ARID2: variants seen among roughly 807,000 people sequenced by gnomAD.
ARID2 encodes AT-rich interactive domain-containing protein 2.
ARID2 carries 32 observed loss-of-function variants against 184.6 expected under a neutral mutation model. The observed-to-expected ratio is 0.17, with a 90% CI of 0.13 to 0.23. The LOEUF (loss-of-function observed/expected upper bound fraction) is 0.23, where lower values mean the gene tolerates loss of function less well. Ranked by LOEUF, ARID2 falls within the 10% of genes least tolerant of loss-of-function variation. The probability of loss-of-function intolerance (pLI) is 1.00; values close to 1 mark genes in which losing one functional copy is unlikely to be tolerated. For synonymous variants in ARID2, 836 were observed against 772.6 expected (o/e 1.08, Z -1.36); for missense variants, 1,696 against 2,197.6 (o/e 0.77, Z 4.56).
At chr12:45,869,945 G>C (rs1019495409) in intron 16 of ARID2, among the ~76,000 whole-genome samples, 1 of 152,048 alleles carries the variant, frequency 6.6e-6, no homozygotes, top group Non-Finnish European at 1.5e-5. Flanking sequence ...TTGCACAATA[G>C]TGATAATATT....
In ARID2 at chr12:45,744,530, C is replaced by G. The variant is rs142812396; in HGVS notation, c.284+13216C>G. The stretch of plus-strand genomic sequence containing the variant: ...AATTTAACACAAAAATACAAGTCAG[C>G]TACAGTGCTGATAAATTTGGAGGAA... On this transcript the variant is annotated intron_variant, in intron 3 of 20. Transcript: ENST00000334344. Among the ~76,000 whole-genome samples the G allele has an allele frequency of 3.4e-3, 518 of 152,164 alleles. 2 individuals carry two copies. The highest frequency in any genetic ancestry group is 0.012 in the African/African-American group (488 of 41,516).
intron 3 of ARID2, among the ~76,000 whole-genome samples, chr12:45,747,619 C>T (rs889845539): frequency 6.6e-6 from 1 of 152,064 alleles, no homozygotes; most frequent in African/African-American, 2.4e-5. Flanking sequence ...TTGGGAAATT[C>T]TGAAAGAATT....
At chr12:45,779,183 T>A (rs1459254674) in intron 3 of ARID2, among the ~76,000 whole-genome samples, 1 of 152,084 alleles carries the variant, frequency 6.6e-6, no homozygotes, top group Non-Finnish European at 1.5e-5. Context: ...TATCTGTGTC[T>A]GATTATTTCC....
At chr12:45,823,370 A>G (rs1942934689) in intron 6 of ARID2, among the ~76,000 whole-genome samples, 4 of 152,134 alleles carry the variant, frequency 2.6e-5, no homozygotes, top group African/African-American at 4.8e-5. Context: ...TCAAATAAAC[A>G]ACCTAATGAT....
chr12:45,730,827 C>T (rs982556026), intron 2 of ARID2, among the ~76,000 whole-genome samples: 7 of 151,542 alleles, frequency 4.6e-5, no homozygotes, highest in Admixed American at 1.3e-4. Flanking sequence ...GGCCCCCCCC[C>T]CAACCCGCGG....
Position 45,851,846 on chromosome 12 carries a change from A to G in ARID2, c.3723A>G (p.Lys1241=). The G allele has an allele frequency of 6.2e-7, 1 of 1,614,148 alleles. No homozygotes were observed. Among genetic ancestry groups the G allele is most frequent in the Non-Finnish European group, 8.5e-7 (1 of 1,180,002 alleles). The change falls in exon 15 of 21, where the codon AAA becomes AAG. Residue 1241 remains lysine (K), a synonymous_variant. Coordinates refer to ENST00000334344, the MANE Select transcript of ARID2 (RefSeq NM_152641.4). ...CTACTCCCCCATTCAAAGGTGATAA[A>G]ATAATTTGCCAAAAGGAGGAGGAAG... is the stretch of plus-strand genomic sequence containing the variant. ...TTATPPFKGD[K]IICQKEEEAK...
At chr12:45,792,306 G>A (rs1428465362) in intron 3 of ARID2, among the ~76,000 whole-genome samples, 1 of 152,030 alleles carries the variant, frequency 6.6e-6, no homozygotes, top group African/African-American at 2.4e-5. Flanking sequence ...TGTCCTTTGG[G>A]TTATTTCAAA....
At chr12:45,759,310 A>G (rs1941631197) in intron 3 of ARID2, among the ~76,000 whole-genome samples, 1 of 152,182 alleles carries the variant, frequency 6.6e-6, no homozygotes, top group South Asian at 2.1e-4. Flanking sequence ...GTATATGTGC[A>G]CATATAGGAA....
intron 3 of ARID2, among the ~76,000 whole-genome samples, chr12:45,805,633 T>C (rs770369282): frequency 9.2e-5 from 14 of 152,138 alleles, no homozygotes; most frequent in Non-Finnish European, 2.1e-4. Context: ...TTTATTGAGG[T>C]ACAATTGACT....
intron 20 of ARID2, among the ~76,000 whole-genome samples, chr12:45,899,143 G>T (rs1055767452): frequency 1.4e-5 from 2 of 146,146 alleles, no homozygotes; most frequent in Non-Finnish European, 3.0e-5. Flanking sequence ...GTGGTGGCGC[G>T]TACCTGTAGT....
At chr12:45,811,348 A>T (rs1250007246) in intron 3 of ARID2, 70 bp from the exon 4 acceptor site, 1 of 1,450,732 alleles carries the variant, frequency 6.9e-7, no homozygotes, top group African/African-American at 1.4e-5. Context: ...GAAAACAAAT[A>T]TGTGGTGAGA....
intron 18 of ARID2, 33 bp from the exon 19 acceptor site, chr12:45,893,387 T>TTCTCTC (rs138252675): frequency 2.7e-6 from 4 of 1,462,714 alleles, no homozygotes; most frequent in East Asian, 4.9e-5. Flanking sequence ...ATCACGTTAA[T>TTCTCTC]TCTCTCTCTC....
chr12:45,825,829 A>G (rs1438493941), intron 6 of ARID2, among the ~76,000 whole-genome samples: 1 of 151,952 alleles, frequency 6.6e-6, no homozygotes, highest in African/African-American at 2.4e-5. Context: ...GTACCACTGC[A>G]CTCCACCATG....
At chr12:45,803,942 G>T (rs1942553476) in intron 3 of ARID2, among the ~76,000 whole-genome samples, 1 of 152,172 alleles carries the variant, frequency 6.6e-6, no homozygotes, top group Non-Finnish European at 1.5e-5. Flanking sequence ...ATGAGTGACG[G>T]TTCCTCTCTT....
chr12:45,793,469 T>A (rs1419146634), intron 3 of ARID2, among the ~76,000 whole-genome samples: 1 of 152,006 alleles, frequency 6.6e-6, no homozygotes, highest in Non-Finnish European at 1.5e-5. Flanking sequence ...GGTGCTTTTA[T>A]CCCTTTCCCA....
chr12:45,884,378 A>C (rs1027270752), intron 16 of ARID2, among the ~76,000 whole-genome samples: 2 of 152,176 alleles, frequency 1.3e-5, no homozygotes, highest in African/African-American at 4.8e-5. Flanking sequence ...CCTGCTCAAC[A>C]GAGTGAGATT....
intron 3 of ARID2, among the ~76,000 whole-genome samples, chr12:45,733,398 A>G (rs996012567): frequency 1.3e-5 from 2 of 152,232 alleles, no homozygotes; most frequent in African/African-American, 2.4e-5. Context: ...TTACCTACCC[A>G]TAAGATTGGC....
chr12:45,839,544 G>A lies in ARID2; in HGVS notation c.1498+48G>A, dbSNP rs761536609. 2.3e-5 allele frequency: 35 copies of A among 1,552,038 alleles called. 1 individual carries two copies. The South Asian group carries it at 4.3e-4, about 19-fold the overall frequency. The stretch of plus-strand genomic sequence containing the variant: ...TTTCAGTGTGGTTACGAGTGTATAA[G>A]ATTTGATCCTAAGAATAAATTTCAA... On this transcript the variant is annotated intron_variant, in intron 11 of 20. Coordinates refer to ENST00000334344, the MANE Select transcript of ARID2 (RefSeq NM_152641.4).
intron 5 of ARID2, among the ~76,000 whole-genome samples, chr12:45,819,704 A>G (rs1942862825): frequency 6.6e-6 from 1 of 150,934 alleles, no homozygotes; most frequent in African/African-American, 2.4e-5. Context: ...TTGTTTTCCC[A>G]GGGATGTTAT....
Sources: gnomAD v4.1 joint callset for allele counts (sites outside exome capture counted in the v4.1 genomes callset) on GRCh38, gnomAD v4.1.1 for gene constraint, MANE v1.5 for transcripts, NCBI Gene and HGNC (gene_info 2026-07-23, HGNC 2026-07-21) for gene names.